The following FER variants were observed in gnomAD, a reference collection of about 807,000 sequenced individuals.
The protein encoded by FER is FER tyrosine kinase.
FER carries 63 observed loss-of-function variants against 111.0 expected under a neutral mutation model. The observed-to-expected ratio is 0.57, with a 90% CI of 0.46 to 0.70. The LOEUF is 0.70. Ranked by LOEUF, FER falls within the 30% of genes least tolerant of loss-of-function variation. FER has a pLI of 0.00. For synonymous variants in FER, 327 were observed against 313.9 expected (o/e 1.04, Z -0.44); for missense variants, 914 against 954.0 (o/e 0.96, Z 0.55).
intron 10 of FER, among the ~76,000 whole-genome samples, chr5:108,931,659 G>A (rs924041306): frequency 5.3e-5 from 8 of 151,968 alleles, no homozygotes; most frequent in Non-Finnish European, 1.2e-4. Flanking sequence ...GTGAAACCCC[G>A]TCTCTACTAA....
At chr5:109,048,761 T>C (rs1176539906) in intron 16 of FER, among the ~76,000 whole-genome samples, 1 of 152,152 alleles carries the variant, frequency 6.6e-6, no homozygotes, top group Non-Finnish European at 1.5e-5. Flanking sequence ...TTAAATTTTT[T>C]TCCAGAAAAA....
At chr5:108,953,147 A>G (rs971526450) in intron 11 of FER, among the ~76,000 whole-genome samples, 1 of 152,066 alleles carries the variant, frequency 6.6e-6, no homozygotes, top group Non-Finnish European at 1.5e-5. Flanking sequence ...TACTTCTTTA[A>G]TAATTGTAAA....
At chr5:108,917,311 A>G (rs895506341) in intron 10 of FER, among the ~76,000 whole-genome samples, 1 of 152,204 alleles carries the variant, frequency 6.6e-6, no homozygotes, top group East Asian at 1.9e-4. Context: ...TTTTTAAGAT[A>G]GGCCATGCTT....
intron 3 of FER, among the ~76,000 whole-genome samples, chr5:108,804,411 G>T (rs1756986405): frequency 2.6e-5 from 4 of 152,120 alleles, no homozygotes; most frequent in Non-Finnish European, 5.9e-5. Flanking sequence ...TCTTGTTCCA[G>T]TTCTCAAGGG....
At chr5:109,034,561 A>C (rs1426052368) in intron 13 of FER, among the ~76,000 whole-genome samples, 1 of 152,012 alleles carries the variant, frequency 6.6e-6, no homozygotes, top group South Asian at 2.1e-4. Context: ...GTAGCCCATA[A>C]ATCCTTGACA....
intron 9 of FER, among the ~76,000 whole-genome samples, chr5:108,892,416 G>T (rs1241584684): frequency 6.6e-6 from 1 of 152,190 alleles, no homozygotes; most frequent in Non-Finnish European, 1.5e-5. Context: ...CTGATGGCCA[G>T]TGATGATGAG....
At chr5:108,762,787 A>G (rs1295838011) in intron 1 of FER, among the ~76,000 whole-genome samples, 1 of 152,162 alleles carries the variant, frequency 6.6e-6, no homozygotes. Flanking sequence ...GACATTTTGT[A>G]CTTTCTGTTC....
intron 9 of FER, 146 bp from the exon 10 acceptor site, chr5:108,897,513 C>A: frequency 1.7e-6 from 1 of 575,142 alleles, no homozygotes; most frequent in Non-Finnish European, 2.8e-6. Flanking sequence ...ACTGTGATAA[C>A]TTAAAATCTG....
chr5:108,819,809 T>C, intron 3 of FER: 5 of 985,302 alleles, frequency 5.1e-6, no homozygotes, highest in Non-Finnish European at 4.8e-6. Flanking sequence ...TAGATTAGTT[T>C]ATACCTTCTG....
chr5:109,100,494 C>A lies in FER; in HGVS notation c.2023C>A (p.Leu675Ile). The A allele has an allele frequency of 6.2e-7, 1 of 1,610,948 alleles. No homozygotes were observed. The highest frequency in any genetic ancestry group is 8.5e-7 in the Non-Finnish European group (1 of 1,177,808). ...SLDAAAGMLY[L>I]ESKNCIHRDL... ...AGACGCTGCTGCTGGTATGTTGTAT[C>A]TCGAGAGTAAAAACTGTATACACAG... is the stretch of plus-strand genomic sequence containing the variant. The change falls in exon 17 of 20, where the codon CTC becomes ATC. Residue 675 changes from leucine to isoleucine, a missense_variant. By Grantham distance (5) the Leu-to-Ile change is conservative (BLOSUM62 2). Around this residue, in one of 3 missense-constraint regions of FER, gnomAD observed 774 missense variants for 782.6 expected, o/e 0.99. Coordinates refer to ENST00000281092, the MANE Select transcript of FER (RefSeq NM_005246.4).
chr5:109,109,369 T>C (rs149115216), intron 17 of FER, among the ~76,000 whole-genome samples: 113 of 152,296 alleles, frequency 7.4e-4, no homozygotes, highest in African/African-American at 2.5e-3. Context: ...AATAACTGGT[T>C]TCCTTTTTAT....
chr5:108,773,177 T>G (rs1282173746), intron 2 of FER, among the ~76,000 whole-genome samples: 3 of 152,174 alleles, frequency 2.0e-5, no homozygotes, highest in South Asian at 2.1e-4. Flanking sequence ...TATTTACTTT[T>G]ATTTATTAAT....
chr5:108,833,340 A>G (rs1000919059), intron 4 of FER, among the ~76,000 whole-genome samples: 2 of 152,202 alleles, frequency 1.3e-5, no homozygotes, highest in Admixed American at 1.3e-4. Context: ...CATTTTCCCT[A>G]CATTCGGAGT....
intron 11 of FER, 84 bp downstream of exon 11, chr5:108,946,306 G>A: frequency 3.6e-6 from 3 of 842,640 alleles, no homozygotes; most frequent in South Asian, 3.1e-5. Flanking sequence ...ATATATATGT[G>A]TGTGTGTGTG....
chr5:109,014,696 G>A (rs1291671854), intron 13 of FER: 3 of 152,042 alleles, frequency 2.0e-5, no homozygotes, highest in Non-Finnish European at 4.4e-5. Context: ...TCATGATATT[G>A]ATTCTTCCTA....
chr5:109,168,694 A>T (rs1329921806), intron 17 of FER, among the ~76,000 whole-genome samples: 1 of 152,214 alleles, frequency 6.6e-6, no homozygotes, highest in Non-Finnish European at 1.5e-5. Flanking sequence ...ACCTAACAGC[A>T]CTAAAATGAC....
chr5:109,133,207 A>G (rs1042737674), intron 17 of FER, among the ~76,000 whole-genome samples: 4 of 152,202 alleles, frequency 2.6e-5, no homozygotes, highest in African/African-American at 4.8e-5. Flanking sequence ...AAGTCAGTCA[A>G]TAAGTTCCTG....
chr5:108,844,121 CATAT>C (rs200733308), intron 5 of FER, among the ~76,000 whole-genome samples: 18 of 144,544 alleles, frequency 1.2e-4, no homozygotes, highest in African/African-American at 3.4e-4. Flanking sequence ...TGTGTGAACA[CATAT>C]ATGTGTGTGA....
chr5:109,135,700 G>A (rs1752820510), intron 17 of FER, among the ~76,000 whole-genome samples: 1 of 152,060 alleles, frequency 6.6e-6, no homozygotes, highest in South Asian at 2.1e-4. Context: ...CCCACTCTAA[G>A]CCTGTCTTAT....
Sources: gnomAD v4.1 joint callset for allele counts (sites outside exome capture counted in the v4.1 genomes callset) on GRCh38, gnomAD v4.1.1 for gene constraint, gnomAD v4.1.1 regional missense constraint, MANE v1.5 for transcripts, NCBI Gene and HGNC (gene_info 2026-07-23, HGNC 2026-07-21) for gene names.